MAF: variants seen among roughly 807,000 people sequenced by gnomAD.
MAF encodes the protein transcription factor Maf.
MAF carries 10 observed loss-of-function variants against 22.0 expected under a neutral mutation model. That is an observed-to-expected ratio of 0.45 (90% CI 0.28 to 0.77). The LOEUF is 0.77. MAF is among the 30% of genes least tolerant of loss of function. The probability of loss-of-function intolerance (pLI) is 0.12; values close to 1 mark genes in which losing one functional copy is unlikely to be tolerated. For missense variants in MAF, 544 were observed against 548.4 expected (o/e 0.99, Z 0.08); for synonymous variants, 337 against 255.8 (o/e 1.32, Z -3.03).
At chr16:79,591,709 C>T (rs553157358), downstream of MAF, among the ~76,000 whole-genome samples, 17 of 152,178 alleles carry the variant, frequency 1.1e-4, no homozygotes, top group African/African-American at 3.9e-4. Flanking sequence ...CTTTTTCCTT[C>T]GGGCAGACTT....
the MAF span, among the ~76,000 whole-genome samples, chr16:79,350,983 C>G: frequency 6.6e-6 from 1 of 151,940 alleles, no homozygotes; most frequent in Non-Finnish European, 1.5e-5. Context: ...GGCCCACATT[C>G]TTTTTTCACT....
chr16:79,393,276 AT>A, the MAF span, among the ~76,000 whole-genome samples: 1 of 152,006 alleles, frequency 6.6e-6, no homozygotes. Context: ...TTCCAAAGGG[AT>A]TTCTTTGGGG....
chr16:79,303,247 C>G, the MAF span, among the ~76,000 whole-genome samples: 2 of 152,090 alleles, frequency 1.3e-5, no homozygotes, highest in Non-Finnish European at 2.9e-5. Context: ...TGTCATTGTA[C>G]TGTATTAAAG....
chr16:79,507,086 A>T, the MAF span, among the ~76,000 whole-genome samples: 1 of 151,202 alleles, frequency 6.6e-6, no homozygotes, highest in African/African-American at 2.4e-5. Context: ...ATTTAAAAAT[A>T]AACCATGCTT....
the MAF span, among the ~76,000 whole-genome samples, chr16:79,531,626 T>C: frequency 1.6e-4 from 25 of 152,216 alleles, no homozygotes; most frequent in African/African-American, 5.8e-4. Flanking sequence ...CTAGATCCCT[T>C]GCATACGCAG....
the MAF span, among the ~76,000 whole-genome samples, chr16:79,451,735 A>G: frequency 2.2e-4 from 34 of 152,354 alleles, no homozygotes; most frequent in African/African-American, 7.5e-4. Context: ...GAGGAAATAA[A>G]GCAAAAAGTA....
the MAF span, among the ~76,000 whole-genome samples, chr16:79,290,444 G>A: frequency 6.6e-6 from 1 of 152,204 alleles, no homozygotes; most frequent in Non-Finnish European, 1.5e-5. Flanking sequence ...GGTTCAAAAA[G>A]GTAACAGAGG....
the MAF span, among the ~76,000 whole-genome samples, chr16:79,352,954 A>G: frequency 5.3e-5 from 8 of 152,190 alleles, no homozygotes; most frequent in African/African-American, 1.9e-4. Flanking sequence ...TCAACTCAAT[A>G]TATGTCAGTA....
chr16:79,426,678 T>C, the MAF span, among the ~76,000 whole-genome samples: 2 of 152,190 alleles, frequency 1.3e-5, no homozygotes, highest in African/African-American at 2.4e-5. Context: ...TTTGCCATTG[T>C]TCCATCCTCG....
At chr16:79,476,429 T>G in the MAF span, among the ~76,000 whole-genome samples, 1 of 152,330 alleles carries the variant, frequency 6.6e-6, no homozygotes, top group East Asian at 1.9e-4. Flanking sequence ...ATGTTTAAAT[T>G]TTTCTGCAAT....
the MAF span, among the ~76,000 whole-genome samples, chr16:79,266,484 T>C: frequency 6.6e-6 from 1 of 152,058 alleles, no homozygotes; most frequent in Admixed American, 6.6e-5. Context: ...GTCAGAAAGA[T>C]GGAAAGAAAG....
the MAF span, among the ~76,000 whole-genome samples, chr16:79,207,707 C>G: frequency 5.3e-5 from 8 of 152,230 alleles, 1 homozygote; most frequent in Middle Eastern, 3.4e-3. Flanking sequence ...AACCTGAAAG[C>G]AAAACACGGT....
the MAF span, among the ~76,000 whole-genome samples, chr16:79,520,595 A>G: frequency 5.8e-4 from 88 of 152,316 alleles, 1 homozygote; most frequent in Non-Finnish European, 1.0e-3. Context: ...TGCCCCTACC[A>G]CAAAATGGTG....
downstream of MAF, among the ~76,000 whole-genome samples, chr16:79,589,821 G>A (rs1306245493): frequency 6.6e-6 from 1 of 152,170 alleles, no homozygotes; most frequent in Non-Finnish European, 1.5e-5. Context: ...TGGGCGCGGG[G>A]CCCTGGGGCG....
the MAF span, among the ~76,000 whole-genome samples, chr16:79,394,540 T>TC: frequency 6.6e-6 from 1 of 152,324 alleles, no homozygotes; most frequent in Admixed American, 6.5e-5. Flanking sequence ...TTCTCTGTCT[T>TC]CCCAACTTGA....
the MAF span, among the ~76,000 whole-genome samples, chr16:79,418,666 A>G: frequency 4.6e-5 from 7 of 152,236 alleles, no homozygotes; most frequent in African/African-American, 1.7e-4. Flanking sequence ...TCTCTCCTAG[A>G]AGCTGCTGTT....
downstream of MAF, among the ~76,000 whole-genome samples, chr16:79,585,467 C>T (rs1355681521): frequency 1.3e-5 from 2 of 152,002 alleles, no homozygotes; most frequent in Admixed American, 1.3e-4. Flanking sequence ...CGGCCAAGGG[C>T]GATGGATACT....
the MAF span, among the ~76,000 whole-genome samples, chr16:79,493,985 C>G: frequency 3.3e-5 from 5 of 151,272 alleles, no homozygotes; most frequent in Non-Finnish European, 7.4e-5. Flanking sequence ...TTTCAAAAAA[C>G]CCACGATTTA....
the MAF span, among the ~76,000 whole-genome samples, chr16:79,532,138 G>A: frequency 2.0e-5 from 3 of 152,042 alleles, no homozygotes; most frequent in Non-Finnish European, 2.9e-5. Context: ...AATTGAACTG[G>A]GCATCTTGTG....
Sources: gnomAD v4.1 joint callset for allele counts (sites outside exome capture counted in the v4.1 genomes callset) on GRCh38, gnomAD v4.1.1 for gene constraint, MANE v1.5 for transcripts, NCBI Gene and HGNC (gene_info 2026-07-23, HGNC 2026-07-21) for gene names.